The following PRKG1 variants were observed in gnomAD, a reference collection of about 807,000 sequenced individuals.
PRKG1 encodes protein kinase cGMP-dependent 1, also known as cGMP-dependent protein kinase 1.
In PRKG1, 35 loss-of-function variants were observed where a neutral mutation model predicts 88.1. That is an observed-to-expected ratio of 0.40 (90% CI 0.30 to 0.53). The LOEUF is 0.53. Ranked by LOEUF, PRKG1 falls within the 20% of genes least tolerant of loss-of-function variation. The probability of loss-of-function intolerance (pLI) is 0.59; values close to 1 mark genes in which losing one functional copy is unlikely to be tolerated. For missense variants in PRKG1, 540 were observed against 839.8 expected (o/e 0.64, Z 4.41); for synonymous variants, 303 against 292.5 (o/e 1.04, Z -0.37).
intron 1 of PRKG1, among the ~76,000 whole-genome samples, chr10:51,014,127 G>T (rs1843026414): frequency 6.6e-6 from 1 of 152,210 alleles, no homozygotes. Flanking sequence ...GTGAATATAT[G>T]TTAATTGGAT....
chr10:52,296,633 T>A lies in PRKG1; in HGVS notation c.*2733T>A, dbSNP rs1842389062. 1 of 152,066 alleles carries A rather than the reference T, an allele frequency of 6.6e-6. No homozygotes were observed. The highest frequency in any genetic ancestry group is 6.6e-5 in the Admixed American group (1 of 15,240). The allele number at this position is 152,066 out of a possible 1,614,324, so 9.4% of individuals were successfully genotyped here. ...GTTAGAATAGTGCCAACTTGTTTGA[T>A]TTGTTATATGATTTTCTTGTTAATG... is the stretch of plus-strand genomic sequence containing the variant. On this transcript the variant is annotated 3_prime_UTR_variant, in exon 18 of 18. Transcript: ENST00000373980.
chr10:51,215,690 C>T (rs1838354107), intron 2 of PRKG1, among the ~76,000 whole-genome samples: 2 of 152,148 alleles, frequency 1.3e-5, no homozygotes, highest in South Asian at 4.1e-4. Context: ...TTTGTCTCTC[C>T]CTCTCCATCC....
chr10:51,669,418 T>A (rs1241012889), intron 3 of PRKG1, among the ~76,000 whole-genome samples: 1 of 152,208 alleles, frequency 6.6e-6, no homozygotes, highest in Non-Finnish European at 1.5e-5. Flanking sequence ...AAAGGCTGTA[T>A]CTCCAATACA....
intron 10 of PRKG1, among the ~76,000 whole-genome samples, chr10:52,265,675 A>G (rs1476683692): frequency 6.6e-6 from 1 of 152,104 alleles, no homozygotes; most frequent in Non-Finnish European, 1.5e-5. Flanking sequence ...GTATTTAAAT[A>G]CAACCAGCAA....
intron 2 of PRKG1, among the ~76,000 whole-genome samples, chr10:51,348,278 C>A (rs767738549): frequency 6.6e-5 from 10 of 152,298 alleles, no homozygotes; most frequent in Non-Finnish European, 1.0e-4. Flanking sequence ...TATGTGCAAT[C>A]ATCCTTTTCT....
At chr10:51,051,599 A>G (rs1255989429) in intron 1 of PRKG1, among the ~76,000 whole-genome samples, 3 of 152,182 alleles carry the variant, frequency 2.0e-5, no homozygotes, top group Admixed American at 1.3e-4. Flanking sequence ...ACTTCAGCAT[A>G]TCTGTTAACA....
At chr10:52,040,690 C>G (rs1845733452) in intron 5 of PRKG1, among the ~76,000 whole-genome samples, 1 of 152,128 alleles carries the variant, frequency 6.6e-6, no homozygotes, top group Non-Finnish European at 1.5e-5. Context: ...GCTAATTGCT[C>G]TGGCTAGGAC....
intron 3 of PRKG1, among the ~76,000 whole-genome samples, chr10:51,626,048 T>G (rs1839329094): frequency 6.6e-6 from 1 of 152,224 alleles, no homozygotes; most frequent in African/African-American, 2.4e-5. Context: ...CTGAAGTCAA[T>G]TACTATTTCT....
chr10:51,336,648 G>T (rs1477844355), intron 2 of PRKG1, among the ~76,000 whole-genome samples: 2 of 152,148 alleles, frequency 1.3e-5, no homozygotes, highest in African/African-American at 4.8e-5. Flanking sequence ...TTTGTTGATA[G>T]AGATGGCATT....
chr10:52,177,620 T>C (rs1048178529), intron 9 of PRKG1, among the ~76,000 whole-genome samples: 3 of 152,100 alleles, frequency 2.0e-5, no homozygotes, highest in Non-Finnish European at 4.4e-5. Context: ...GATAAAGCCC[T>C]CTTGTCCCAT....
intron 5 of PRKG1, among the ~76,000 whole-genome samples, chr10:51,967,202 C>T (rs1256213622): frequency 1.3e-5 from 2 of 152,026 alleles, no homozygotes; most frequent in Non-Finnish European, 1.5e-5. Context: ...AAATGTGGCA[C>T]GTATATACCA....
At chr10:51,619,040 G>T (rs1226968954) in intron 3 of PRKG1, among the ~76,000 whole-genome samples, 2 of 150,714 alleles carry the variant, frequency 1.3e-5, no homozygotes, top group Middle Eastern at 3.4e-3. Context: ...GCCTCCCAAA[G>T]TGCTGGGATT....
intron 3 of PRKG1, among the ~76,000 whole-genome samples, chr10:51,628,092 C>T (rs953596259): frequency 3.5e-5 from 5 of 142,122 alleles, no homozygotes; most frequent in African/African-American, 1.0e-4. Context: ...TTCTTTCCTT[C>T]CTTCCCTTTC....
chr10:52,121,663 A>G (rs1434971082), intron 7 of PRKG1, among the ~76,000 whole-genome samples: 1 of 152,216 alleles, frequency 6.6e-6, no homozygotes, highest in Non-Finnish European at 1.5e-5. Flanking sequence ...ACTTTATAAT[A>G]AAGCTGACCT....
intron 4 of PRKG1, among the ~76,000 whole-genome samples, chr10:51,831,267 AT>A (rs933848193): frequency 6.6e-6 from 1 of 152,034 alleles, no homozygotes; most frequent in Non-Finnish European, 1.5e-5. Context: ...TTATGTATTT[AT>A]TTTTTTCTGA....
intron 7 of PRKG1, among the ~76,000 whole-genome samples, chr10:52,077,856 C>G (rs1256085238): frequency 6.6e-6 from 1 of 152,084 alleles, no homozygotes; most frequent in Non-Finnish European, 1.5e-5. Context: ...TAGTAATCAT[C>G]TTCTATAAAG....
chr10:51,471,716 T>C (rs1309985924), intron 3 of PRKG1, among the ~76,000 whole-genome samples: 1 of 151,938 alleles, frequency 6.6e-6, no homozygotes, highest in Admixed American at 6.6e-5. Flanking sequence ...ATTGAAGCCC[T>C]ACTTCTCTTA....
chr10:51,174,581 T>C (rs908686654), intron 2 of PRKG1, among the ~76,000 whole-genome samples: 3 of 152,022 alleles, frequency 2.0e-5, no homozygotes, highest in African/African-American at 7.2e-5. Flanking sequence ...GGTGTGAATA[T>C]TCCCATCATG....
intron 9 of PRKG1, among the ~76,000 whole-genome samples, chr10:52,181,079 TG>T (rs1426089334): frequency 6.6e-6 from 1 of 152,210 alleles, no homozygotes; most frequent in African/African-American, 2.4e-5. Context: ...ACTTGGGATG[TG>T]GGTGCACAGT....
Sources: gnomAD v4.1 joint callset for allele counts (sites outside exome capture counted in the v4.1 genomes callset) on GRCh38, gnomAD v4.1.1 for gene constraint, MANE v1.5 for transcripts, NCBI Gene and HGNC (gene_info 2026-07-23, HGNC 2026-07-21) for gene names.